Variants in WDR70 observed in about 807,000 individuals in gnomAD.
The protein encoded by WDR70 is WD repeat domain 70, also known as WD repeat-containing protein 70.
A neutral mutation model predicts 88.6 loss-of-function variants in WDR70; 53 were observed. That is an observed-to-expected ratio of 0.60 (90% CI 0.48 to 0.75). The LOEUF (loss-of-function observed/expected upper bound fraction) is 0.75. Among genes scored for constraint, WDR70 ranks in the 30% least tolerant of loss-of-function variants. The pLI, the probability that WDR70 is intolerant of heterozygous loss-of-function variation, is 0.00. For synonymous variants in WDR70, 280 were observed against 270.0 expected (o/e 1.04, Z -0.36); for missense variants, 610 against 823.2 (o/e 0.74, Z 3.17).
intron 5 of WDR70, among the ~76,000 whole-genome samples, chr5:37,409,000 G>A (rs1366465504): frequency 6.6e-6 from 1 of 152,110 alleles, no homozygotes; most frequent in African/African-American, 2.4e-5. Context: ...GTGCAATGGT[G>A]TGATCTTGGC....
At chr5:37,538,921 G>C (rs1038534584) in intron 9 of WDR70, among the ~76,000 whole-genome samples, 2 of 152,292 alleles carry the variant, frequency 1.3e-5, no homozygotes, top group African/African-American at 4.8e-5. Context: ...TTTCTAATTT[G>C]AATTGTAATA....
chr5:37,547,002 G>C (rs1742020236), intron 9 of WDR70, among the ~76,000 whole-genome samples: 1 of 152,154 alleles, frequency 6.6e-6, no homozygotes, highest in Non-Finnish European at 1.5e-5. Context: ...TTGTTTACAG[G>C]TTTCCCTATA....
Position 37,726,871 on chromosome 5 carries a change from C to G in WDR70, c.1715-12C>G, listed in dbSNP as rs1200804182. ...TTCAGTTTCTAATTTGGTTTTTTTT[C>G]TTTTGCAATAGGTCGTGGTGGCCGA... On this transcript the variant is annotated splice_polypyrimidine_tract_variant and intron_variant, in intron 16 of 17. Coordinates refer to ENST00000265107, the MANE Select transcript of WDR70 (RefSeq NM_018034.4). The G allele has an allele frequency of 1.3e-6, 2 of 1,567,316 alleles. No individual in the cohort carries two copies. Among genetic ancestry groups the G allele is most frequent in the East Asian group, 2.3e-5 (1 of 44,102 alleles).
chr5:37,723,112 T>A, intron 15 of WDR70, 178 bp downstream of exon 15: 1 of 657,756 alleles, frequency 1.5e-6, no homozygotes, highest in Non-Finnish European at 2.6e-6. Flanking sequence ...CTTCTGTGAC[T>A]CATCACAGGG....
intron 12 of WDR70, among the ~76,000 whole-genome samples, chr5:37,702,099 A>G (rs961852312): frequency 1.3e-5 from 2 of 152,232 alleles, no homozygotes; most frequent in Non-Finnish European, 2.9e-5. Flanking sequence ...AACAGAGAAG[A>G]GCATGAAGAT....
chr5:37,680,257 C>T (rs1029845339), intron 10 of WDR70, among the ~76,000 whole-genome samples: 2 of 146,300 alleles, frequency 1.4e-5, no homozygotes, highest in Non-Finnish European at 3.0e-5. Context: ...TTGTTTTTTT[C>T]TTGAAAATTT....
intron 4 of WDR70, among the ~76,000 whole-genome samples, chr5:37,392,990 G>A (rs1470765725): frequency 2.0e-5 from 3 of 151,894 alleles, no homozygotes; most frequent in Non-Finnish European, 4.4e-5. Flanking sequence ...CTAACACATT[G>A]ATGTTGTTTA....
At chr5:37,626,840 A>T (rs1744677838) in intron 10 of WDR70, among the ~76,000 whole-genome samples, 1 of 151,884 alleles carries the variant, frequency 6.6e-6, no homozygotes, top group South Asian at 2.1e-4. Flanking sequence ...TCTGGGTTCA[A>T]TCTTTATAGG....
chr5:37,381,783 G>T, intron 3 of WDR70, 98 bp downstream of exon 3: 12 of 1,263,728 alleles, frequency 9.5e-6, no homozygotes, highest in Non-Finnish European at 1.3e-5. Context: ...GCTGGGCGCG[G>T]TGGCTCATGC....
chr5:37,668,433 T>G (rs1745926624), intron 10 of WDR70, among the ~76,000 whole-genome samples: 1 of 152,134 alleles, frequency 6.6e-6, no homozygotes, highest in South Asian at 2.1e-4. Context: ...AAAGCATGGG[T>G]CTTCTGTAGG....
intron 9 of WDR70, among the ~76,000 whole-genome samples, chr5:37,580,345 A>G (rs767467708): frequency 1.3e-5 from 2 of 152,194 alleles, no homozygotes; most frequent in Non-Finnish European, 2.9e-5. Context: ...CACGACAGCT[A>G]TGGCATATTT....
chr5:37,386,044 C>A (rs1748605223), intron 3 of WDR70, among the ~76,000 whole-genome samples: 2 of 151,052 alleles, frequency 1.3e-5, no homozygotes, highest in South Asian at 4.2e-4. Flanking sequence ...CGATCTCCTG[C>A]CCTCATGATC....
At chr5:37,563,934 C>T (rs867878208) in intron 9 of WDR70, among the ~76,000 whole-genome samples, 3,834 of 142,496 alleles carry the variant, frequency 0.027, 132 homozygotes, top group African/African-American at 0.093. Context: ...GACGGGGCGG[C>T]AGGGCAGAGG....
chr5:37,568,502 C>G (rs1210864395), intron 9 of WDR70, among the ~76,000 whole-genome samples: 4 of 152,172 alleles, frequency 2.6e-5, no homozygotes, highest in Non-Finnish European at 5.9e-5. Context: ...TCACTGTTCT[C>G]TGAAATCAGT....
intron 5 of WDR70, among the ~76,000 whole-genome samples, chr5:37,412,302 G>A (rs1430168061): frequency 6.6e-6 from 1 of 151,992 alleles, no homozygotes; most frequent in African/African-American, 2.4e-5. Context: ...CAGGAGAATT[G>A]CTTGAACCCG....
At chr5:37,575,447 G>A (rs1049142626) in intron 9 of WDR70, among the ~76,000 whole-genome samples, 4 of 152,136 alleles carry the variant, frequency 2.6e-5, no homozygotes, top group Admixed American at 2.6e-4. Context: ...ACCAAGCCAT[G>A]ATTAGACATT....
chr5:37,578,378 C>T (rs566462420), intron 9 of WDR70, among the ~76,000 whole-genome samples: 4 of 152,206 alleles, frequency 2.6e-5, no homozygotes, highest in African/African-American at 9.6e-5. Context: ...TATTTTATAG[C>T]TCTAAGTGTA....
intron 10 of WDR70, among the ~76,000 whole-genome samples, chr5:37,659,882 T>G (rs1275805594): frequency 6.6e-6 from 1 of 152,208 alleles, no homozygotes; most frequent in Non-Finnish European, 1.5e-5. Context: ...GCTAAAACAT[T>G]GGGTGTTAGA....
chr5:37,519,629 T>A (rs1239574515), intron 9 of WDR70, among the ~76,000 whole-genome samples: 9 of 131,678 alleles, frequency 6.8e-5, no homozygotes, highest in Non-Finnish European at 1.4e-4. Context: ...GCGGAGGCGC[T>A]CCTCACCTCC....
Sources: gnomAD v4.1 joint callset for allele counts (sites outside exome capture counted in the v4.1 genomes callset) on GRCh38, gnomAD v4.1.1 for gene constraint, MANE v1.5 for transcripts, NCBI Gene and HGNC (gene_info 2026-07-23, HGNC 2026-07-21) for gene names.